Variants in BACH2 observed in about 807,000 individuals in gnomAD.
BACH2 encodes BACH transcriptional regulator 2, also known as transcription regulator protein BACH2.
BACH2 carries 5 observed loss-of-function variants against 61.8 expected under a neutral mutation model. The observed-to-expected ratio is 0.08, with a 90% CI of 0.04 to 0.17. The LOEUF (loss-of-function observed/expected upper bound fraction) is 0.17, where lower values mean the gene tolerates loss of function less well. BACH2 is among the 10% of genes least tolerant of loss of function. The pLI is 1.00. For synonymous variants in BACH2, 446 were observed against 440.1 expected, an observed-to-expected ratio of 1.01 and a Z score of -0.17; for missense variants, 824 against 1,091.1, an observed-to-expected ratio of 0.76 and a Z score of 3.45.
chr6:89,945,733 C>A (rs1226654806), intron 7 of BACH2, among the ~76,000 whole-genome samples: 1 of 152,108 alleles, frequency 6.6e-6, no homozygotes, highest in Admixed American at 6.6e-5. Context: ...AAAAAATAAA[C>A]CTGTGCAAGA....
intron 4 of BACH2, among the ~76,000 whole-genome samples, chr6:90,156,936 T>C (rs542259806): frequency 6.6e-6 from 1 of 152,228 alleles, no homozygotes; most frequent in East Asian, 1.9e-4. Context: ...GAAGAAGGGA[T>C]GGTAGCTGGG....
intron 5 of BACH2, among the ~76,000 whole-genome samples, chr6:90,087,549 T>A (rs560658192): frequency 9.2e-5 from 14 of 152,294 alleles, no homozygotes; most frequent in Non-Finnish European, 1.3e-4. Context: ...CTTTTTTCTA[T>A]TAACGTGGAA....
chr6:90,064,826 A>T (rs1458624200), intron 5 of BACH2, among the ~76,000 whole-genome samples: 1 of 152,218 alleles, frequency 6.6e-6, no homozygotes, highest in Non-Finnish European at 1.5e-5. Context: ...TTTGTACATC[A>T]TTGTATCCCA....
chr6:89,950,388 T>G lies in BACH2; in HGVS notation c.1718A>C (p.Asn573Thr), dbSNP rs2128356690. Residue 573 changes from asparagine to threonine, a missense_variant, in exon 7 of 9, where the codon AAC becomes ACC. Transcript: ENST00000257749. This position sits in a 1 kb window ranked among gnomAD's most constrained non-coding sequence, Gnocchi z 5.3. ...EPGLMGDGMY[N>T]QVRPQIKCEQ... is the part of the protein sequence containing the mutation. Reference sequence around the variant, plus strand: ...ACATTTAATTTGGGGCCGCACTTGGTTGTACATTCCATCTCCCATCAGGCC... The same window carrying G: ...ACATTTAATTTGGGGCCGCACTTGGGTGTACATTCCATCTCCCATCAGGCC... The G allele has an allele frequency of 6.2e-7, 1 of 1,614,118 alleles. No homozygotes were observed.
intron 1 of BACH2, among the ~76,000 whole-genome samples, chr6:90,284,393 T>C (rs1250330459): frequency 6.6e-6 from 1 of 152,154 alleles, no homozygotes; most frequent in Non-Finnish European, 1.5e-5. Context: ...CTGTTAACCT[T>C]CCTCTTGGAA....
At position 89,994,602 on chromosome 6, in the gene BACH2, C is replaced by G. The variant is rs1776747785; in HGVS notation, c.243+14000G>C. The stretch of plus-strand genomic sequence containing the variant: ...GAGTTGGACGGAAGGGACCAGGAAG[C>G]ATTGGTCCCCTTAGGTCCCACTGGT... On this transcript the variant is annotated intron_variant, in intron 6 of 8. Coordinates refer to ENST00000257749, the MANE Select transcript of BACH2 (RefSeq NM_021813.4). Among the ~76,000 whole-genome samples, 7 of 152,278 alleles carry G rather than the reference C, an allele frequency of 4.6e-5. No homozygotes were observed. The South Asian group carries it at 1.2e-3, about 27-fold the overall frequency.
chr6:90,227,293 C>G (rs75140547), intron 3 of BACH2, among the ~76,000 whole-genome samples: 9 of 152,190 alleles, frequency 5.9e-5, no homozygotes, highest in African/African-American at 2.2e-4. Flanking sequence ...ATCCCTCGGG[C>G]GGTATACCAC....
At chr6:90,064,385 T>C (rs1329676806) in intron 5 of BACH2, among the ~76,000 whole-genome samples, 1 of 152,212 alleles carries the variant, frequency 6.6e-6, no homozygotes, top group East Asian at 1.9e-4. Flanking sequence ...GGACATAGGA[T>C]GCACAGCAAA....
rs372977354 is a variant in BACH2, at chr6:90,102,747, G to A, written c.-161-13638C>T. The stretch of plus-strand genomic sequence containing the variant: ...AGAGGTTACAGTGAGCCGAGATTGC[G>A]CCATTGCACTCTGGCCTGGGCAACA... On this transcript the variant is annotated intron_variant, in intron 4 of 8. Coordinates refer to ENST00000257749, the MANE Select transcript of BACH2 (RefSeq NM_021813.4). Among the ~76,000 whole-genome samples, 32 of 149,868 alleles carry A rather than the reference G, an allele frequency of 2.1e-4. 1 individual carries two copies. Among genetic ancestry groups the A allele is most frequent in the African/African-American group, 7.4e-4 (30 of 40,722 alleles).
intron 3 of BACH2, among the ~76,000 whole-genome samples, chr6:90,236,816 G>C (rs1387395805): frequency 6.6e-6 from 1 of 152,146 alleles, no homozygotes; most frequent in Non-Finnish European, 1.5e-5. Flanking sequence ...GCTACTTCTT[G>C]AAAGAACTGA....
chr6:90,018,957 T>A (rs926536858), intron 5 of BACH2, among the ~76,000 whole-genome samples: 1 of 152,206 alleles, frequency 6.6e-6, no homozygotes, highest in African/African-American at 2.4e-5. Context: ...TTCTGGCTTC[T>A]TATTAGTCCT....
chr6:90,246,480 C>T (rs1770641531), intron 3 of BACH2, among the ~76,000 whole-genome samples: 1 of 152,044 alleles, frequency 6.6e-6, no homozygotes, highest in African/African-American at 2.4e-5. Context: ...AAGAAAAATG[C>T]GTTACATTCC....
At chr6:90,030,779 G>T (rs943743246) in intron 5 of BACH2, among the ~76,000 whole-genome samples, 47 of 151,896 alleles carry the variant, frequency 3.1e-4, no homozygotes, top group Non-Finnish European at 5.1e-4. Flanking sequence ...AGAGGTACAA[G>T]GAGGGGCTGG....
At chr6:90,233,135 T>C (rs1770151792) in intron 3 of BACH2, among the ~76,000 whole-genome samples, 1 of 152,190 alleles carries the variant, frequency 6.6e-6, no homozygotes, top group African/African-American at 2.4e-5. Flanking sequence ...TTGGAATTGA[T>C]AAGCTAAAAT....
chr6:90,265,876 T>C lies in BACH2; in HGVS notation c.-353+5973A>G, dbSNP rs530124547. Among the ~76,000 whole-genome samples, 3 of 152,336 alleles carry C rather than the reference T, an allele frequency of 2.0e-5. No homozygotes were observed. In the East Asian group the frequency reaches 5.8e-4, roughly 29 times the overall value. ...GAAGAAATGAACATTTATCAAGTAC[T>C]ACCACATGGTACTGTAACAGTGCTC... On this transcript the variant is annotated intron_variant, in intron 2 of 8. Coordinates refer to ENST00000257749, the MANE Select transcript of BACH2 (RefSeq NM_021813.4).
chr6:90,262,782 G>T (rs1043447836), intron 2 of BACH2, among the ~76,000 whole-genome samples: 1 of 152,160 alleles, frequency 6.6e-6, no homozygotes, highest in Admixed American at 6.5e-5. Context: ...CAGCCACAAA[G>T]ATAGCTCAAG....
chr6:89,970,808 AAGAC>A (rs1224133674), intron 6 of BACH2, among the ~76,000 whole-genome samples: 3 of 152,184 alleles, frequency 2.0e-5, no homozygotes, highest in African/African-American at 7.2e-5. Flanking sequence ...CTCTGGCTGA[AAGAC>A]AGAAAAGACC....
chr6:90,026,621 T>C (rs1270400411), intron 5 of BACH2, among the ~76,000 whole-genome samples: 1 of 152,196 alleles, frequency 6.6e-6, no homozygotes, highest in Non-Finnish European at 1.5e-5. Context: ...GACACACTTT[T>C]GTCTGCCTAT....
At chr6:89,989,849 G>A (rs910057504) in intron 6 of BACH2, among the ~76,000 whole-genome samples, 3 of 152,174 alleles carry the variant, frequency 2.0e-5, no homozygotes, top group Non-Finnish European at 4.4e-5. Context: ...AATGGAATGC[G>A]AATGAATAGT....
Sources: allele counts gnomAD v4.1 joint callset (sites outside exome capture counted in the v4.1 genomes callset), GRCh38; gene constraint gnomAD v4.1.1; non-coding constraint Gnocchi (gnomAD v3.1); transcripts MANE v1.5; gene names NCBI Gene and HGNC (gene_info 2026-07-23, HGNC 2026-07-21).